Variants in ADHFE1 observed in about 807,000 individuals in gnomAD.
ADHFE1 encodes hydroxyacid-oxoacid transhydrogenase, mitochondrial.
ADHFE1 carries 37 observed loss-of-function variants against 54.8 expected under a neutral mutation model. The observed-to-expected ratio is 0.68, with a 90% confidence interval of 0.52 to 0.89. The LOEUF (loss-of-function observed/expected upper bound fraction) is 0.89, where lower values mean the gene tolerates loss of function less well. Ranked by LOEUF, ADHFE1 falls within the 40% of genes least tolerant of loss-of-function variation. The probability of loss-of-function intolerance (pLI) is 0.00; values close to 1 mark genes in which losing one functional copy is unlikely to be tolerated. For missense variants in ADHFE1, 601 were observed against 591.2 expected, an observed-to-expected ratio of 1.02 and a Z score of -0.17; for synonymous variants, 203 against 229.3, an observed-to-expected ratio of 0.89 and a Z score of 1.04.
At chr8:66,432,674 T>TTTCCGAA (rs1307423232) in intron 1 of ADHFE1, 99 bp downstream of exon 1, 20 of 1,235,984 alleles carry the variant, frequency 1.6e-5, no homozygotes, top group Non-Finnish European at 2.0e-5. Context: ...CTCCGCTTAC[T>TTTCCGAA]TTCAAGAATT....
intron 3 of ADHFE1, among the ~76,000 whole-genome samples, chr8:66,443,533 C>T (rs560443424): frequency 6.6e-6 from 1 of 152,228 alleles, no homozygotes; most frequent in South Asian, 2.1e-4. Context: ...CCACCTCGGC[C>T]TCCCAAAGTG....
chr8:66,442,751 T>A (rs1204869256), intron 2 of ADHFE1, 47 bp from the exon 3 acceptor site: 2 of 1,506,454 alleles, frequency 1.3e-6, no homozygotes, highest in Non-Finnish European at 1.8e-6. Context: ...ATAACATTTA[T>A]GCTTTTTTTT....
At chr8:66,461,880 CA>C (rs1806917106) in intron 13 of ADHFE1, among the ~76,000 whole-genome samples, 1 of 152,188 alleles carries the variant, frequency 6.6e-6, no homozygotes, top group Admixed American at 6.5e-5. Flanking sequence ...GAACAAGAAA[CA>C]AAGGAGTCTC....
At chr8:66,468,009 T>C (rs952326624) in intron 13 of ADHFE1, among the ~76,000 whole-genome samples, 3 of 152,216 alleles carry the variant, frequency 2.0e-5, no homozygotes, top group Admixed American at 6.5e-5. Context: ...TTCCCCAAGA[T>C]TGGTTTCGGC....
intron 1 of ADHFE1, among the ~76,000 whole-genome samples, chr8:66,438,277 G>T (rs1262291137): frequency 1.3e-5 from 2 of 152,158 alleles, no homozygotes; most frequent in Non-Finnish European, 2.9e-5. Flanking sequence ...AGGAAAACTG[G>T]GTGGGCTTGA....
At chr8:66,460,211 G>A (rs117667921) in intron 12 of ADHFE1, 97 bp from the exon 13 acceptor site, 23,796 of 1,477,110 alleles carry the variant, frequency 0.016, 240 homozygotes, top group Non-Finnish European at 0.02. Context: ...GGGAGACCCC[G>A]TGGGTGTGCA....
At chr8:66,437,879 A>G (rs953537305) in intron 1 of ADHFE1, among the ~76,000 whole-genome samples, 43 of 152,176 alleles carry the variant, frequency 2.8e-4, no homozygotes, top group African/African-American at 1.0e-3. Flanking sequence ...GCCCAGGGGA[A>G]CTGACAGGAA....
intron 9 of ADHFE1, among the ~76,000 whole-genome samples, chr8:66,453,239 T>C (rs1327333831): frequency 6.6e-6 from 1 of 152,006 alleles, no homozygotes; most frequent in Non-Finnish European, 1.5e-5. Flanking sequence ...ACTGGGGGAA[T>C]AAGGAACTAA....
Position 66,439,751 on chromosome 8 carries a change from A to G in ADHFE1, c.60-411A>G. ...AATATATAAGGCAAGTTCCCAGCAT[A>G]GGGTAGTAAGTAAGAAGAGGCACAC... On this transcript the variant is annotated intron_variant, in intron 1 of 13. Transcript: ENST00000396623. The surrounding 1 kb of genome is among the most constrained non-coding windows in gnomAD (Gnocchi z 4.4). 9.9e-7 allele frequency: 1 copy of G among 1,012,216 alleles called. No homozygotes were observed. The highest frequency in any genetic ancestry group is 1.2e-6 in the Non-Finnish European group (1 of 847,476). The allele number at this position is 1,012,216 out of a possible 1,614,324, so 62.7% of individuals were successfully genotyped here.
At chr8:66,459,217 C>T (rs1027595847) in intron 12 of ADHFE1, among the ~76,000 whole-genome samples, 3 of 151,970 alleles carry the variant, frequency 2.0e-5, no homozygotes, top group Non-Finnish European at 4.4e-5. Context: ...ATGCTACACT[C>T]TGTAGAGGGC....
At chr8:66,458,096 A>G (rs1025275203) in intron 12 of ADHFE1, among the ~76,000 whole-genome samples, 4 of 152,264 alleles carry the variant, frequency 2.6e-5, no homozygotes, top group African/African-American at 7.2e-5. Flanking sequence ...TATTCAGGAT[A>G]GCTTTAATGG....
chr8:66,437,797 G>A (rs1041785028), intron 1 of ADHFE1, among the ~76,000 whole-genome samples: 2 of 152,172 alleles, frequency 1.3e-5, no homozygotes, highest in Non-Finnish European at 2.9e-5. Flanking sequence ...CAGCACCAGT[G>A]TGGTACGTTT....
At position 66,454,460 on chromosome 8, in the gene ADHFE1, A is replaced by T. The variant is rs191263601; in HGVS notation, c.986+303A>T. 4.6e-5 allele frequency among the ~76,000 whole-genome samples: 7 copies of T among 152,188 alleles called. 1 individual carries two copies. In the East Asian group the frequency reaches 1.4e-3, roughly 29 times the overall value. ...AGCTATAAAGTAGAAACCTAAATGT[A>T]TTCTTAAATTGAATGTGGTTTACTG... On this transcript the variant is annotated intron_variant, in intron 10 of 13. Coordinates refer to ENST00000396623, the MANE Select transcript of ADHFE1 (RefSeq NM_144650.3).
At chr8:66,453,631 G>T in intron 9 of ADHFE1, 1 of 1,258,818 alleles carries the variant, frequency 7.9e-7, no homozygotes, top group Non-Finnish European at 1.1e-6. Context: ...GGGTCCAGTG[G>T]GAGGCAGTGT....
chr8:66,436,172 T>A (rs1339433030), intron 1 of ADHFE1, among the ~76,000 whole-genome samples: 2 of 152,026 alleles, frequency 1.3e-5, no homozygotes, highest in African/African-American at 2.4e-5. Context: ...AGCCTCAGCC[T>A]CCCCAAAGTG....
chr8:66,438,083 G>A (rs1012074874), intron 1 of ADHFE1, among the ~76,000 whole-genome samples: 8 of 152,216 alleles, frequency 5.3e-5, no homozygotes, highest in Admixed American at 3.9e-4. Context: ...GGCCTGAACT[G>A]TATGTGAGAG....
intron 12 of ADHFE1, among the ~76,000 whole-genome samples, chr8:66,457,499 A>G (rs537912848): frequency 1.3e-5 from 2 of 151,140 alleles, no homozygotes; most frequent in East Asian, 1.9e-4. Flanking sequence ...AAAAAGAACC[A>G]TAAAGGACAA....
chr8:66,438,569 T>C (rs1417959653), intron 1 of ADHFE1, among the ~76,000 whole-genome samples: 2 of 152,126 alleles, frequency 1.3e-5, no homozygotes, highest in African/African-American at 4.8e-5. Flanking sequence ...GCCAGACAGC[T>C]GGACTTGCAG....
rs531101747 is a variant in ADHFE1, at chr8:66,435,732, C to T, written c.59+3157C>T. Among the ~76,000 whole-genome samples the T allele has an allele frequency of 3.3e-5, 5 of 149,288 alleles. No homozygotes were observed. In the South Asian group the frequency reaches 6.4e-4, roughly 19 times the overall value. ...CTCCTCAAAGATCCTCCCACCTTAGCGTCCCAAGTAGCTGGGACTACAGTG... is the reference window on the plus strand; with the variant it reads ...CTCCTCAAAGATCCTCCCACCTTAGTGTCCCAAGTAGCTGGGACTACAGTG... On this transcript the variant is annotated intron_variant, in intron 1 of 13. Transcript: ENST00000396623.
Sources: allele counts gnomAD v4.1 joint callset (sites outside exome capture counted in the v4.1 genomes callset), GRCh38; gene constraint gnomAD v4.1.1; non-coding constraint Gnocchi (gnomAD v3.1); transcripts MANE v1.5; gene names NCBI Gene and HGNC (gene_info 2026-07-23, HGNC 2026-07-21).